Variants in BAZ1B observed in about 807,000 individuals in gnomAD.
BAZ1B encodes bromodomain adjacent to zinc finger domain 1B, also known as tyrosine-protein kinase BAZ1B.
Under a neutral mutation model 153.8 loss-of-function variants are expected in BAZ1B, and 22 were observed. The observed-to-expected ratio is 0.14, with a 90% CI of 0.10 to 0.20. The LOEUF (loss-of-function observed/expected upper bound fraction) is 0.20, where lower values mean the gene tolerates loss of function less well. BAZ1B is among the 10% of genes least tolerant of loss of function. The pLI is 1.00. For synonymous variants in BAZ1B, 676 were observed against 633.4 expected, an observed-to-expected ratio of 1.07 and a Z score of -1.01; for missense variants, 1,325 against 1,799.3, an observed-to-expected ratio of 0.74 and a Z score of 4.77.
rs1236409818 is a variant in BAZ1B at position 73,482,042 on chromosome 7, A to AAAAC, written c.892-3477_892-3474dup. 3.9e-5 allele frequency among the ~76,000 whole-genome samples: 6 copies of AAAAC among 152,322 alleles called. No homozygotes were observed. In the East Asian group the frequency reaches 7.7e-4, roughly 20 times the overall value. On this transcript the variant is annotated intron_variant, in intron 6 of 19. Coordinates refer to ENST00000339594, the MANE Select transcript of BAZ1B (RefSeq NM_032408.4). ...AGAAAGAGCGAGACTCTGTCTCAAA[A>AAAAC]AAACAAACAAACAAACAAAAAGAAA...
intron 1 of BAZ1B, among the ~76,000 whole-genome samples, chr7:73,516,848 T>C (rs569467855): frequency 1.3e-5 from 2 of 150,410 alleles, no homozygotes; most frequent in Admixed American, 6.7e-5. Flanking sequence ...TATTTTAAGT[T>C]TGTGTAACTG....
intron 13 of BAZ1B, among the ~76,000 whole-genome samples, chr7:73,454,250 A>C (rs1381682532): frequency 1.3e-5 from 2 of 152,100 alleles, no homozygotes; most frequent in Non-Finnish European, 2.9e-5. Flanking sequence ...ACAAGCCTGG[A>C]GTCTGAGGCT....
intron 16 of BAZ1B, among the ~76,000 whole-genome samples, chr7:73,446,786 A>G (rs1018955415): frequency 1.6e-4 from 25 of 152,190 alleles, no homozygotes; most frequent in African/African-American, 5.8e-4. Context: ...TCAAATAATC[A>G]GTCGTCTCTT....
At chr7:73,508,837 C>T (rs950192996) in intron 2 of BAZ1B, among the ~76,000 whole-genome samples, 8 of 151,696 alleles carry the variant, frequency 5.3e-5, no homozygotes, top group Admixed American at 3.9e-4. Context: ...CACGATGAAA[C>T]CCCATCTCTA....
intron 16 of BAZ1B, among the ~76,000 whole-genome samples, chr7:73,447,051 G>C (rs576088767): frequency 1.3e-5 from 2 of 152,314 alleles, no homozygotes; most frequent in South Asian, 4.1e-4. Context: ...ATGTTACTGA[G>C]ATCAAGCCAC....
chr7:73,442,168 T>A lies in BAZ1B; in HGVS notation c.*15+13A>T. On this transcript the variant is annotated intron_variant, in intron 19 of 19. Transcript: ENST00000339594. ...CACCCTCCCTAGCTGTCCCCCCACC[T>A]CAGCTCCCTTACCACGGCCCTGCCT... is the stretch of plus-strand genomic sequence containing the variant. The A allele has an allele frequency of 1.8e-5, 4 of 227,816 alleles. No individual in the cohort carries two copies. Among genetic ancestry groups the A allele is most frequent in the Non-Finnish European group, 3.1e-5 (4 of 129,352 alleles). 14.1% of individuals were successfully genotyped at this position (227,816 alleles called of 1,614,324 possible). A position where few individuals can be genotyped will look rare whatever the true frequency, so the allele number is the denominator to read the frequency against.
Position 73,498,444 on chromosome 7 carries a change from A to G in BAZ1B, c.571+53T>C, listed in dbSNP as rs1379977627. On this transcript the variant is annotated intron_variant, in intron 4 of 19. Coordinates refer to ENST00000339594, the MANE Select transcript of BAZ1B (RefSeq NM_032408.4). ...GAGAACCCTAAAAGATGTGTTCATAATAAAATAAACAGGATCTCATAAAAC... is the reference window on the plus strand; with the variant it reads ...GAGAACCCTAAAAGATGTGTTCATAGTAAAATAAACAGGATCTCATAAAAC... The G allele has an allele frequency of 4.6e-6, 7 of 1,524,960 alleles. No homozygotes were observed. The South Asian group carries it at 7.9e-5, about 17-fold the overall frequency. The allele number at this position is 1,524,960 out of a possible 1,614,324, so 94.5% of individuals were successfully genotyped here.
At chr7:73,494,779 C>T (rs1458143570) in intron 4 of BAZ1B, among the ~76,000 whole-genome samples, 1 of 152,146 alleles carries the variant, frequency 6.6e-6, no homozygotes, top group East Asian at 1.9e-4. Context: ...ACTAATGTAA[C>T]TGTAATACAG....
chr7:73,520,814 C>G (rs1393304022), intron 1 of BAZ1B, among the ~76,000 whole-genome samples: 3 of 152,180 alleles, frequency 2.0e-5, no homozygotes, highest in Admixed American at 2.0e-4. Flanking sequence ...GAAGTCCTTC[C>G]GAACAGAAGG....
chr7:73,492,664 G>T, intron 5 of BAZ1B, 136 bp downstream of exon 5: 2 of 809,286 alleles, frequency 2.5e-6, no homozygotes, highest in South Asian at 4.7e-5. Context: ...ATTAATTACT[G>T]TAACTACAAA....
At chr7:73,485,638 A>G (rs1444313668) in intron 6 of BAZ1B, among the ~76,000 whole-genome samples, 2 of 152,074 alleles carry the variant, frequency 1.3e-5, no homozygotes, top group African/African-American at 4.8e-5. Context: ...AAAAAAAAAA[A>G]AAAAGAGAGA....
chr7:73,521,959 G>T lies in BAZ1B; in HGVS notation c.-26C>A, dbSNP rs1554580324. The stretch of plus-strand genomic sequence containing the variant: ...CGCGGCGGCGGCGGTGGGGACTGGC[G>T]GCTGCTGGGGCCGGCCCCGCGGCGC... On this transcript the variant is annotated 5_prime_UTR_variant, in exon 1 of 20. Coordinates refer to ENST00000339594, the MANE Select transcript of BAZ1B (RefSeq NM_032408.4). 1.4e-6 allele frequency: 2 copies of T among 1,416,378 alleles called. No individual in the cohort carries two copies. Among genetic ancestry groups the T allele is most frequent in the African/African-American group, 3.0e-5 (2 of 66,330 alleles). 87.7% of individuals were successfully genotyped at this position (1,416,378 alleles called of 1,614,324 possible).
Position 73,477,166 on chromosome 7 carries a change from G to A in BAZ1B, c.2295C>T (p.His765=). The change falls in exon 7 of 20, where the codon CAC becomes CAT. Residue 765 remains histidine (H), a synonymous_variant. Transcript: ENST00000339594. This position sits in a 1 kb window ranked among gnomAD's most constrained non-coding sequence, Gnocchi z 5.6. ...CAGACATCTGCTGTCTGGTCTCCAT[G>A]TGGTCTTGCACTGAGTATGTCATGA... is the stretch of plus-strand genomic sequence containing the variant. ...RILMTYSVQD[H]METRQQMSAE... The A allele has an allele frequency of 6.2e-7, 1 of 1,614,194 alleles. No homozygotes were observed. Among genetic ancestry groups the A allele is most frequent in the Non-Finnish European group, 8.5e-7 (1 of 1,180,044 alleles).
chr7:73,498,805 G>T (rs1196032799), intron 3 of BAZ1B, 107 bp from the exon 4 acceptor site: 1 of 927,694 alleles, frequency 1.1e-6, no homozygotes, highest in Non-Finnish European at 1.6e-6. Context: ...AACAAAAGGT[G>T]ATTGAAACAG....
intron 4 of BAZ1B, among the ~76,000 whole-genome samples, chr7:73,494,007 G>T (rs1206004629): frequency 1.3e-5 from 2 of 152,148 alleles, no homozygotes; most frequent in African/African-American, 4.8e-5. Flanking sequence ...CATTTAAAGA[G>T]ATTAGAATTT....
intron 6 of BAZ1B, among the ~76,000 whole-genome samples, chr7:73,483,943 C>T (rs558531442): frequency 1.3e-5 from 2 of 152,166 alleles, no homozygotes; most frequent in Non-Finnish European, 2.9e-5. Context: ...CCCAGCCATA[C>T]ACAACAAACA....
chr7:73,501,757 C>G (rs782689310), intron 3 of BAZ1B, among the ~76,000 whole-genome samples: 1 of 152,308 alleles, frequency 6.6e-6, no homozygotes, highest in Non-Finnish European at 1.5e-5. Context: ...AACCTACAGG[C>G]TTCACCTTAA....
chr7:73,490,399 A>G (rs549003547), intron 5 of BAZ1B, among the ~76,000 whole-genome samples: 72 of 152,294 alleles, frequency 4.7e-4, no homozygotes, highest in African/African-American at 1.7e-3. Flanking sequence ...GGAATACAAA[A>G]AAATTTTTTT....
In BAZ1B at chr7:73,442,727, G is replaced by C. The variant is rs781848597; in HGVS notation, c.4092C>G (p.Phe1364Leu). 1.2e-6 allele frequency: 2 copies of C among 1,613,918 alleles called. No homozygotes were observed. Among genetic ancestry groups the C allele is most frequent in the Admixed American group, 3.3e-5 (2 of 60,028 alleles). Residue 1364 changes from phenylalanine (F) to leucine (L), a missense_variant and splice_region_variant, in exon 18 of 20, where the codon TTC (phenylalanine) becomes TTG (leucine). Phe to Leu is a conservative substitution (Grantham distance 22). Around this residue, in one of 9 missense-constraint regions of BAZ1B, gnomAD observed 271 missense variants for 337.2 expected, o/e 0.80. Coordinates refer to ENST00000339594, the MANE Select transcript of BAZ1B (RefSeq NM_032408.4). Reference protein sequence around the residue: ...KIVKYRFSWPFREPVTRDEAE... With the variant: ...KIVKYRFSWPLREPVTRDEAE... ...GCACCTGAGAACACAGCACTCACCT[G>C]AAGGGCCAGCTGAAGCGGTACTTCA...
Sources: allele counts gnomAD v4.1 joint callset (sites outside exome capture counted in the v4.1 genomes callset), GRCh38; gene constraint gnomAD v4.1.1; regional missense constraint gnomAD v4.1.1; non-coding constraint Gnocchi (gnomAD v3.1); transcripts MANE v1.5; gene names NCBI Gene and HGNC (gene_info 2026-07-23, HGNC 2026-07-21).